Variants in GRM5 observed in about 807,000 individuals in gnomAD.
GRM5 encodes the protein metabotropic glutamate receptor 5.
GRM5 carries 19 observed loss-of-function variants against 83.1 expected under a neutral mutation model. The ratio of observed to expected loss-of-function variants is 0.23; its 90% confidence interval spans 0.16 to 0.34. The LOEUF is 0.34. GRM5 is among the 10% of genes least tolerant of loss of function. The pLI, the probability that GRM5 is intolerant of heterozygous loss-of-function variation, is 1.00. For synonymous variants in GRM5, 675 were observed against 633.6 expected (o/e 1.07, Z -0.98); for missense variants, 1,160 against 1,588.3 (o/e 0.73, Z 4.58).
chr11:88,674,680 T>C (rs1948664), intron 3 of GRM5, among the ~76,000 whole-genome samples: 89,562 of 151,636 alleles, frequency 0.59, 28,074 homozygotes, highest in South Asian at 0.8. Context: ...GACAAAGTCA[T>C]GATGATTCCA....
intron 4 of GRM5, among the ~76,000 whole-genome samples, chr11:88,613,074 T>C (rs758260129): frequency 6.6e-6 from 1 of 152,212 alleles, no homozygotes; most frequent in Non-Finnish European, 1.5e-5. Flanking sequence ...TTGGGTATGA[T>C]GTCAATTTCT....
chr11:88,508,802 G>A lies in GRM5; in HGVS notation c.3429C>T (p.Ser1143=). Residue 1143 remains serine (S), a synonymous_variant, in exon 10 of 10, where the codon AGC becomes AGT. Coordinates refer to ENST00000305447, the MANE Select transcript of GRM5 (RefSeq NM_001143831.3). This position sits in a 1 kb window ranked among gnomAD's most constrained non-coding sequence, Gnocchi z 4.2. ...CCGCAGCCTCGGGACCGGCCGCGGG[G>A]CTCTCCCGGGCCGCGTCCCCAGCCG... ...AQAAGDAARE[S]PAAGPEAAAA... 1 of 1,481,810 alleles carries A rather than the reference G, an allele frequency of 6.7e-7. No homozygotes were observed. Among genetic ancestry groups the A allele is most frequent in the Non-Finnish European group, 8.9e-7 (1 of 1,120,382 alleles). The allele number at this position is 1,481,810 out of a possible 1,614,324, so 91.8% of individuals were successfully genotyped here. A position where few individuals can be genotyped will look rare whatever the true frequency, so the allele number is the denominator to read the frequency against.
intron 3 of GRM5, among the ~76,000 whole-genome samples, chr11:88,693,303 T>C (rs1940824787): frequency 6.6e-6 from 1 of 151,978 alleles, no homozygotes; most frequent in South Asian, 2.1e-4. Flanking sequence ...TCCACTAATA[T>C]AAATGAACAT....
intron 8 of GRM5, among the ~76,000 whole-genome samples, chr11:88,542,197 T>C (rs1474680302): frequency 6.6e-6 from 1 of 152,134 alleles, no homozygotes; most frequent in African/African-American, 2.4e-5. Context: ...CTTTCACCGA[T>C]AAAAATAACT....
At chr11:88,647,505 C>T (rs527814245) in intron 4 of GRM5, among the ~76,000 whole-genome samples, 6 of 151,724 alleles carry the variant, frequency 4.0e-5, no homozygotes, top group Admixed American at 2.0e-4. Flanking sequence ...AATCAATTCA[C>T]GATGCATTAA....
At chr11:88,943,206 T>G (rs1938169609) in intron 2 of GRM5, among the ~76,000 whole-genome samples, 1 of 152,120 alleles carries the variant, frequency 6.6e-6, no homozygotes, top group African/African-American at 2.4e-5. Flanking sequence ...CAATTCCTTT[T>G]GATGTCTATG....
intron 2 of GRM5, among the ~76,000 whole-genome samples, chr11:88,946,133 A>G (rs562631980): frequency 3.9e-5 from 6 of 152,176 alleles, no homozygotes; most frequent in African/African-American, 1.4e-4. Flanking sequence ...AACATGAAAA[A>G]AATTATCATC....
At chr11:89,006,622 C>T (rs987448876) in intron 2 of GRM5, among the ~76,000 whole-genome samples, 2 of 152,210 alleles carry the variant, frequency 1.3e-5, no homozygotes, top group Admixed American at 6.5e-5. Context: ...GTCATTTTCA[C>T]GCCTTGCTTT....
intron 9 of GRM5, among the ~76,000 whole-genome samples, chr11:88,516,373 A>G (rs996290859): frequency 2.0e-5 from 3 of 152,134 alleles, no homozygotes; most frequent in African/African-American, 7.2e-5. Flanking sequence ...CAAGGGGCTA[A>G]CAAGACATAC....
chr11:88,735,693 A>G (rs1394505198), intron 3 of GRM5, among the ~76,000 whole-genome samples: 1 of 152,062 alleles, frequency 6.6e-6, no homozygotes, highest in African/African-American at 2.4e-5. Flanking sequence ...CTGTCTTCCC[A>G]TTAATTTATA....
At chr11:88,640,579 T>C (rs1053433103) in intron 4 of GRM5, among the ~76,000 whole-genome samples, 11 of 152,160 alleles carry the variant, frequency 7.2e-5, no homozygotes, top group African/African-American at 2.2e-4. Context: ...CTCACAAGAC[T>C]ACCCTCCCTC....
At chr11:89,059,015 A>G (rs1223658198) in intron 1 of GRM5, among the ~76,000 whole-genome samples, 2 of 152,270 alleles carry the variant, frequency 1.3e-5, no homozygotes, top group South Asian at 4.1e-4. Flanking sequence ...TTTTCAAAAA[A>G]TATTTTTGAT....
chr11:88,767,931 A>G (rs994344104), intron 3 of GRM5, among the ~76,000 whole-genome samples: 2 of 152,018 alleles, frequency 1.3e-5, no homozygotes, highest in Non-Finnish European at 2.9e-5. Flanking sequence ...ATAAAAAGAA[A>G]AAAGTAATAA....
intron 7 of GRM5, among the ~76,000 whole-genome samples, chr11:88,575,435 A>G (rs544952171): frequency 1.3e-5 from 2 of 152,318 alleles, no homozygotes; most frequent in East Asian, 3.9e-4. Context: ...TCTTTGCTAC[A>G]TCAGGGGAGG....
intron 2 of GRM5, among the ~76,000 whole-genome samples, chr11:88,916,994 A>C (rs1452070963): frequency 1.3e-5 from 2 of 152,128 alleles, no homozygotes; most frequent in Non-Finnish European, 2.9e-5. Flanking sequence ...AATATACAGC[A>C]GCCATAGCCA....
Position 88,876,992 on chromosome 11 carries a change from A to G in GRM5, c.662-26837T>C, listed in dbSNP as rs150637338. ...TAAGGCCTAATAATGCATGATACCA[A>G]TCATAATTGGAATCTTAACAAGTTG... is the stretch of plus-strand genomic sequence containing the variant. On this transcript the variant is annotated intron_variant, in intron 2 of 9. Transcript: ENST00000305447. Among the ~76,000 whole-genome samples the G allele has an allele frequency of 3.6e-3, 553 of 152,182 alleles. 2 individuals are homozygous for G. The highest frequency in any genetic ancestry group is 0.013 in the African/African-American group (540 of 41,546).
At chr11:88,759,365 T>G (rs1942463001) in intron 3 of GRM5, among the ~76,000 whole-genome samples, 2 of 151,750 alleles carry the variant, frequency 1.3e-5, no homozygotes, top group Non-Finnish European at 2.9e-5. Flanking sequence ...GGTTCAAAAT[T>G]AAGGGACAGA....
At chr11:88,993,264 T>C (rs1296063473) in intron 2 of GRM5, among the ~76,000 whole-genome samples, 1 of 20,176 alleles carries the variant, frequency 5.0e-5, no homozygotes, top group Non-Finnish European at 1.1e-4. Context: ...AGACTCTGTC[T>C]CAAAAAAAAA....
intron 9 of GRM5, among the ~76,000 whole-genome samples, chr11:88,523,648 C>T (rs1345811589): frequency 6.6e-6 from 1 of 152,174 alleles, no homozygotes; most frequent in Admixed American, 6.5e-5. Flanking sequence ...TGTACACACA[C>T]TATCATTGCC....
Sources: gnomAD v4.1 joint callset for allele counts (sites outside exome capture counted in the v4.1 genomes callset) on GRCh38, gnomAD v4.1.1 for gene constraint, Gnocchi (gnomAD v3.1) non-coding constraint, MANE v1.5 for transcripts, NCBI Gene and HGNC (gene_info 2026-07-23, HGNC 2026-07-21) for gene names.